The following CDC42BPB variants were observed in gnomAD, a reference collection of about 807,000 sequenced individuals.
CDC42BPB encodes the protein CDC42 binding protein kinase beta.
A neutral mutation model predicts 214.9 loss-of-function variants in CDC42BPB; 37 were observed. The observed-to-expected ratio is 0.17, with a 90% CI of 0.13 to 0.23. The LOEUF (loss-of-function observed/expected upper bound fraction) is 0.23. Among genes scored for constraint, CDC42BPB ranks in the 10% least tolerant of loss-of-function variants. CDC42BPB has a pLI of 1.00. For synonymous variants in CDC42BPB, 931 were observed against 884.0 expected, an observed-to-expected ratio of 1.05 and a Z score of -0.94; for missense variants, 1,694 against 2,227.0, an observed-to-expected ratio of 0.76 and a Z score of 4.82.
intron 1 of CDC42BPB, among the ~76,000 whole-genome samples, chr14:103,031,530 G>A (rs1210592553): frequency 6.6e-6 from 1 of 152,194 alleles, no homozygotes; most frequent in Non-Finnish European, 1.5e-5. Context: ...TTAAACAAAC[G>A]CTGCAGTAAA....
chr14:102,994,953 C>T lies in CDC42BPB; in HGVS notation c.596+4612G>A, dbSNP rs192206043. 5.9e-5 allele frequency among the ~76,000 whole-genome samples: 9 copies of T among 152,296 alleles called. No individual in the cohort carries two copies. The South Asian group carries it at 6.2e-4, about 11-fold the overall frequency. On this transcript the variant is annotated intron_variant, in intron 5 of 36. Transcript: ENST00000361246. ...GGTGTGGCTCCAGAGCCACTCTGAC[C>T]GCCAGATCTTCTCTCCGAGGTTTTC...
chr14:102,944,669 G>A lies in CDC42BPB; in HGVS notation c.3812-182C>T, dbSNP rs1555384339. 42 of 985,070 alleles carry A rather than the reference G, an allele frequency of 4.3e-5. No homozygotes were observed. Among genetic ancestry groups the A allele is most frequent in the Non-Finnish European group, 4.7e-5 (39 of 829,818 alleles). The allele number at this position is 985,070 out of a possible 1,614,324, so 61.0% of individuals were successfully genotyped here. On this transcript the variant is annotated intron_variant, in intron 29 of 36. Coordinates refer to ENST00000361246, the MANE Select transcript of CDC42BPB (RefSeq NM_006035.4). The surrounding 1 kb of genome is among the most constrained non-coding windows in gnomAD (Gnocchi z 6.6). ...TGCCCACAGAGCCAGTGGCTTGAACGCCCCCCGGAGAAGCTGCCCCACATC... is the reference window on the plus strand; with the variant it reads ...TGCCCACAGAGCCAGTGGCTTGAACACCCCCCGGAGAAGCTGCCCCACATC...
At chr14:102,942,689 C>A (rs996063244) in intron 30 of CDC42BPB, among the ~76,000 whole-genome samples, 3 of 152,174 alleles carry the variant, frequency 2.0e-5, no homozygotes, top group African/African-American at 7.2e-5. Flanking sequence ...GGACTACAGG[C>A]ATGTGGCACC....
Position 103,004,345 on chromosome 14 carries a change from C to T in CDC42BPB, c.352-322G>A. ...ACTGGGCTCCTCCCACCTGGCACCT[C>T]CTGACTCCTCTACCAGATCAACCTC... On this transcript the variant is annotated intron_variant, in intron 3 of 36. Transcript: ENST00000361246. This position sits in a 1 kb window ranked among gnomAD's most constrained non-coding sequence, Gnocchi z 5.3. The T allele has an allele frequency of 3.4e-6, 1 of 295,486 alleles. No individual in the cohort carries two copies. Among genetic ancestry groups the T allele is most frequent in the Non-Finnish European group, 6.0e-6 (1 of 167,750 alleles). The allele number at this position is 295,486 out of a possible 1,614,324, so 18.3% of individuals were successfully genotyped here.
chr14:102,960,946 T>A lies in CDC42BPB; in HGVS notation c.2822-1236A>T, dbSNP rs1892929740. Among the ~76,000 whole-genome samples, 3 of 151,950 alleles carry A rather than the reference T, an allele frequency of 2.0e-5. No individual in the cohort carries two copies. The South Asian group carries it at 6.3e-4, about 32-fold the overall frequency. On this transcript the variant is annotated intron_variant, in intron 20 of 36. Transcript: ENST00000361246. ...AGACACGGCAGTCAGATTGCTTGAG[T>A]CCAGGAGTTCAAGACCAGCCTGGGA...
At chr14:103,018,657 A>T (rs1371225624) in intron 1 of CDC42BPB, among the ~76,000 whole-genome samples, 1 of 152,194 alleles carries the variant, frequency 6.6e-6, no homozygotes, top group Admixed American at 6.5e-5. Flanking sequence ...AGAGGCCAGG[A>T]GAGCAGCAGG....
At chr14:103,046,787 G>C (rs974664118) in intron 1 of CDC42BPB, among the ~76,000 whole-genome samples, 2 of 151,848 alleles carry the variant, frequency 1.3e-5, no homozygotes, top group African/African-American at 4.8e-5. Context: ...AAGAGTAGCT[G>C]GGATTACAGG....
chr14:102,949,369 T>C (rs140680861), intron 26 of CDC42BPB, among the ~76,000 whole-genome samples: 198 of 152,172 alleles, frequency 1.3e-3, no homozygotes, highest in African/African-American at 4.5e-3. Flanking sequence ...TCCAGACTTC[T>C]TCCACACACC....
At chr14:103,053,566 C>G (rs1015568276) in intron 1 of CDC42BPB, among the ~76,000 whole-genome samples, 1 of 151,516 alleles carries the variant, frequency 6.6e-6, no homozygotes, top group African/African-American at 2.4e-5. Context: ...TCGAGACCAT[C>G]CTGGCTAACA....
In CDC42BPB at chr14:102,954,804, C is replaced by T. The variant is rs907938739; in HGVS notation, c.2902-116G>A. ...ATTCTGTCTAGCCCAGAAGTCCCAG[C>T]GGTTCTTACTCCTGGATCCTATCAC... On this transcript the variant is annotated intron_variant, in intron 21 of 36. Transcript: ENST00000361246. The T allele has an allele frequency of 1.3e-5, 19 of 1,467,734 alleles. No homozygotes were observed. In the African/African-American group the frequency reaches 1.8e-4, roughly 14 times the overall value. 90.9% of individuals were successfully genotyped at this position (1,467,734 alleles called of 1,614,324 possible).
chr14:103,057,246 C>G lies in CDC42BPB; in HGVS notation c.-73G>C. ...CGGCCAGTCCGTCAGGGCGCGCCCT[C>G]GGGGGCTCGGCGGCTGCGAGCCCCG... is the stretch of plus-strand genomic sequence containing the variant. On this transcript the variant is annotated 5_prime_UTR_variant, in exon 1 of 37. Transcript: ENST00000361246. 5 of 1,200,778 alleles carry G rather than the reference C, an allele frequency of 4.2e-6. No individual in the cohort carries two copies. Among genetic ancestry groups the G allele is most frequent in the African/African-American group, 1.6e-5 (1 of 62,738 alleles). The allele number at this position is 1,200,778 out of a possible 1,614,324, so 74.4% of individuals were successfully genotyped here.
Position 102,944,532 on chromosome 14 carries a change from C to T in CDC42BPB, c.3812-45G>A. On this transcript the variant is annotated intron_variant, in intron 29 of 36. Coordinates refer to ENST00000361246, the MANE Select transcript of CDC42BPB (RefSeq NM_006035.4). This position sits in a 1 kb window ranked among gnomAD's most constrained non-coding sequence, Gnocchi z 6.6. Reference sequence around the variant, plus strand: ...AGCGTGAGGCCGACGGGACAGCCAGCAGCTCCCAGGGGCTGACGGCCTTGG... The same window carrying T: ...AGCGTGAGGCCGACGGGACAGCCAGTAGCTCCCAGGGGCTGACGGCCTTGG... The T allele has an allele frequency of 1.9e-6, 3 of 1,579,086 alleles. No individual in the cohort carries two copies. The highest frequency in any genetic ancestry group is 2.6e-6 in the Non-Finnish European group (3 of 1,161,008).
intron 21 of CDC42BPB, among the ~76,000 whole-genome samples, chr14:102,957,869 A>G (rs1892780420): frequency 6.6e-6 from 1 of 152,146 alleles, no homozygotes; most frequent in African/African-American, 2.4e-5. Context: ...ACTTGGCATC[A>G]CCCACCCTGG....
chr14:103,039,941 G>T (rs1367656335), intron 1 of CDC42BPB, among the ~76,000 whole-genome samples: 2 of 152,082 alleles, frequency 1.3e-5, no homozygotes, highest in Non-Finnish European at 2.9e-5. Flanking sequence ...CAGCAATTTT[G>T]CAGGATAAAA....
chr14:103,029,858 CAAAAAAAAAAAAAA>C (rs11299296), intron 1 of CDC42BPB, among the ~76,000 whole-genome samples: 6 of 62,360 alleles, frequency 9.6e-5, no homozygotes, highest in South Asian at 7.7e-4. Flanking sequence ...ACTCCATCTC[CAAAAAAAAAAAAAA>C]AAAAAAAAAA....
chr14:103,011,090 C>T (rs1886131287), intron 2 of CDC42BPB, among the ~76,000 whole-genome samples: 1 of 152,242 alleles, frequency 6.6e-6, no homozygotes, highest in South Asian at 2.1e-4. Flanking sequence ...CCACCCGAGG[C>T]GGTACCGCGG....
chr14:102,938,187 G>C lies in CDC42BPB; in HGVS notation c.4934-13C>G, dbSNP rs978791683. 2 of 1,612,702 alleles carry C rather than the reference G, an allele frequency of 1.2e-6. No individual in the cohort carries two copies. The highest frequency in any genetic ancestry group is 1.3e-5 in the African/African-American group (1 of 75,030). On this transcript the variant is annotated splice_polypyrimidine_tract_variant and intron_variant, in intron 35 of 36. Transcript: ENST00000361246. ...GGCTCCGATCCACCTACAGAACAAGGACAGCTTTCCTCTTAGGGAGAAAGT... is the reference window on the plus strand; with the variant it reads ...GGCTCCGATCCACCTACAGAACAAGCACAGCTTTCCTCTTAGGGAGAAAGT...
intron 3 of CDC42BPB, among the ~76,000 whole-genome samples, chr14:103,006,653 A>T (rs1198592240): frequency 2.0e-5 from 3 of 152,260 alleles, no homozygotes; most frequent in Admixed American, 2.0e-4. Context: ...TCAGTATTAT[A>T]AAATTTAATG....
intron 1 of CDC42BPB, among the ~76,000 whole-genome samples, chr14:103,045,395 C>T (rs1259141220): frequency 4.6e-5 from 7 of 152,156 alleles, no homozygotes; most frequent in Non-Finnish European, 8.8e-5. Context: ...GCAACTCCTG[C>T]ATCACAAAAG....
Sources: gnomAD v4.1 joint callset for allele counts (sites outside exome capture counted in the v4.1 genomes callset) on GRCh38, gnomAD v4.1.1 for gene constraint, Gnocchi (gnomAD v3.1) non-coding constraint, MANE v1.5 for transcripts, NCBI Gene and HGNC (gene_info 2026-07-23, HGNC 2026-07-21) for gene names.